The following KCP variants were observed in gnomAD, a reference collection of about 807,000 sequenced individuals.
KCP encodes kielin/chordin-like protein.
In KCP, 194 loss-of-function variants were observed where a neutral mutation model predicts 212.7. The observed-to-expected ratio is 0.91, with a 90% CI of 0.81 to 1.03. The LOEUF (loss-of-function observed/expected upper bound fraction) is 1.03, where lower values mean the gene tolerates loss of function less well. Among genes scored for constraint, KCP ranks in the 50% least tolerant of loss-of-function variants. KCP has a pLI of 0.00. For synonymous variants in KCP, 833 were observed against 865.3 expected, an observed-to-expected ratio of 0.96 and a Z score of 0.65; for missense variants, 2,080 against 2,162.5, an observed-to-expected ratio of 0.96 and a Z score of 0.76.
At chr7:128,906,214 C>T in intron 5 of KCP, 65 bp downstream of exon 5, 4 of 1,333,734 alleles carry the variant, frequency 3.0e-6, no homozygotes, top group Middle Eastern at 1.8e-4. Flanking sequence ...ACTGAGGTGG[C>T]AGGCTGTGTC....
intron 39 of KCP, 24 bp from the exon 40 acceptor site, chr7:128,877,335 G>T: frequency 6.6e-7 from 1 of 1,526,380 alleles, no homozygotes; most frequent in Non-Finnish European, 8.8e-7. Flanking sequence ...GGGAGGCGGG[G>T]TTACCAAGGC....
chr7:128,897,302 G>A (rs1377678954), intron 8 of KCP, among the ~76,000 whole-genome samples: 2 of 152,174 alleles, frequency 1.3e-5, no homozygotes, highest in East Asian at 3.8e-4. Context: ...AAAATAACTG[G>A]ATAAGGTTTC....
chr7:128,884,712 G>A, intron 28 of KCP, 69 bp downstream of exon 28: 1 of 1,400,350 alleles, frequency 7.1e-7, no homozygotes, highest in Non-Finnish European at 9.9e-7. Flanking sequence ...AGCTTGGCTG[G>A]GCCTCATCCC....
chr7:128,880,915 A>G (rs2128944455), intron 32 of KCP, 82 bp downstream of exon 32: 1 of 399,098 alleles, frequency 2.5e-6, no homozygotes, highest in South Asian at 1.3e-4. Context: ...TAAAGACCCC[A>G]TATCTGCTGG....
chr7:128,882,842 C>T (rs928609995), intron 29 of KCP, among the ~76,000 whole-genome samples: 1 of 152,170 alleles, frequency 6.6e-6, no homozygotes, highest in Non-Finnish European at 1.5e-5. Flanking sequence ...GAGGCTGAGG[C>T]GGGTGGATCA....
intron 5 of KCP, chr7:128,904,360 CT>C (rs1178433748): frequency 6.4e-7 from 1 of 1,551,522 alleles, no homozygotes; most frequent in East Asian, 2.4e-5. Context: ...ACGAGGGCCC[CT>C]GGCACTGCAC....
In KCP at chr7:128,886,732, G is replaced by GAC; in HGVS notation, c.2693_2694dup (p.Leu899ValfsTer187). ...TCCTGGTGCTCCCGGCCCTGAGAGA[G>GAC]ACAGCCTGTGGGGGACACACCTCCT... On this transcript the variant is annotated frameshift_variant, in exon 25 of 40. Transcript: ENST00000610776. LOFTEE classifies it high-confidence loss of function. The GAC allele has an allele frequency of 1.3e-6, 2 of 1,551,530 alleles. No homozygotes were observed. Among genetic ancestry groups the GAC allele is most frequent in the Non-Finnish European group, 1.7e-6 (2 of 1,146,872 alleles).
chr7:128,899,989 A>G (rs1794756816), intron 8 of KCP, among the ~76,000 whole-genome samples: 1 of 150,278 alleles, frequency 6.7e-6, no homozygotes. Context: ...ACTTTCTAAC[A>G]GGCCCAGGAG....
At chr7:128,889,601 T>C (rs1793958855) in intron 21 of KCP, among the ~76,000 whole-genome samples, 1 of 152,248 alleles carries the variant, frequency 6.6e-6, no homozygotes, top group Non-Finnish European at 1.5e-5. Flanking sequence ...ATTATAATTT[T>C]AATTATATTC....
chr7:128,908,587 C>T lies in KCP; in HGVS notation c.77-19G>A, dbSNP rs1237931568. The T allele has an allele frequency of 6.5e-7, 1 of 1,545,380 alleles. No homozygotes were observed. Among genetic ancestry groups the T allele is most frequent in the Non-Finnish European group, 8.8e-7 (1 of 1,142,612 alleles). ...GCCCCACCTGAAGGGCACAAGAATC[C>T]CATGTGGGCCTGAGGGTGAGGGGCT... On this transcript the variant is annotated intron_variant, in intron 1 of 39. Transcript: ENST00000610776.
chr7:128,879,034 C>G, intron 37 of KCP: 1 of 425,494 alleles, frequency 2.4e-6, no homozygotes, highest in East Asian at 3.9e-5. Flanking sequence ...GATTCACTTT[C>G]TCATGGGCAT....
At chr7:128,878,916 G>A (rs1793151616) in intron 37 of KCP, 194 bp from the exon 38 acceptor site, 1 of 550,948 alleles carries the variant, frequency 1.8e-6, no homozygotes, top group South Asian at 2.7e-5. Context: ...GCCAGCCCTG[G>A]GCAAAGACAG....
chr7:128,898,283 T>C (rs1300402638), intron 8 of KCP, among the ~76,000 whole-genome samples: 1 of 152,222 alleles, frequency 6.6e-6, no homozygotes, highest in African/African-American at 2.4e-5. Context: ...CTCAAACCAC[T>C]GACCTCAAGT....
chr7:128,907,460 GA>G lies in KCP; in HGVS notation c.220-8del. On this transcript the variant is annotated splice_region_variant and splice_polypyrimidine_tract_variant and intron_variant, in intron 2 of 39. Coordinates refer to ENST00000610776, the MANE Select transcript of KCP (RefSeq NM_001366122.1). The stretch of plus-strand genomic sequence containing the variant: ...TCGTCTGCAGGTCCTTATTCTGGAG[GA>G]AGGAGATGGAATAGCAGGCACTGGC... 6.8e-7 allele frequency: 1 copy of G among 1,460,368 alleles called. No individual in the cohort carries two copies. The allele number at this position is 1,460,368 out of a possible 1,614,324, so 90.5% of individuals were successfully genotyped here.
In KCP at chr7:128,907,464, G is replaced by T; in HGVS notation, c.220-11C>A. On this transcript the variant is annotated splice_polypyrimidine_tract_variant and intron_variant, in intron 2 of 39. Transcript: ENST00000610776. The stretch of plus-strand genomic sequence containing the variant: ...CTGCAGGTCCTTATTCTGGAGGAAG[G>T]AGATGGAATAGCAGGCACTGGCTCA... 6.9e-7 allele frequency: 1 copy of T among 1,458,934 alleles called. No individual in the cohort carries two copies. 90.4% of individuals were successfully genotyped at this position (1,458,934 alleles called of 1,614,324 possible).
chr7:128,906,865 C>T (rs1219739067), intron 4 of KCP, among the ~76,000 whole-genome samples: 1 of 151,818 alleles, frequency 6.6e-6, no homozygotes, highest in African/African-American at 2.4e-5. Flanking sequence ...CTAATACATT[C>T]TCTGCCCTCC....
In KCP at chr7:128,910,679, T is replaced by A; in HGVS notation, c.-3A>T. ...GCAGCGGCCCCGACCCCGGCCATGCTAGCTCCGCCTCGCTCGGCTCGCCGT... is the reference window on the plus strand; with the variant it reads ...GCAGCGGCCCCGACCCCGGCCATGCAAGCTCCGCCTCGCTCGGCTCGCCGT... On this transcript the variant is annotated 5_prime_UTR_variant, in exon 1 of 40. Coordinates refer to ENST00000610776, the MANE Select transcript of KCP (RefSeq NM_001366122.1). 6.7e-7 allele frequency: 1 copy of A among 1,496,702 alleles called. No individual in the cohort carries two copies. The highest frequency in any genetic ancestry group is 8.9e-7 in the Non-Finnish European group (1 of 1,129,686). The allele number at this position is 1,496,702 out of a possible 1,614,324, so 92.7% of individuals were successfully genotyped here.
At chr7:128,884,400 C>T (rs950257396) in intron 28 of KCP, among the ~76,000 whole-genome samples, 1 of 152,232 alleles carries the variant, frequency 6.6e-6, no homozygotes, top group Non-Finnish European at 1.5e-5. Flanking sequence ...ATCCTCCTCC[C>T]CAGGCCCATG....
At chr7:128,902,946 G>A in intron 7 of KCP, 87 bp from the exon 8 acceptor site, 1 of 972,188 alleles carries the variant, frequency 1.0e-6, no homozygotes. Context: ...TTGTCCACAT[G>A]CCCTCTGAGG....
Sources: gnomAD v4.1 joint callset for allele counts (sites outside exome capture counted in the v4.1 genomes callset) on GRCh38, gnomAD v4.1.1 for gene constraint, MANE v1.5 for transcripts, NCBI Gene and HGNC (gene_info 2026-07-23, HGNC 2026-07-21) for gene names.